The following SEMA3D variants were observed in gnomAD, a reference collection of about 807,000 sequenced individuals.
SEMA3D encodes the protein semaphorin-3D.
Under a neutral mutation model 100.1 loss-of-function variants are expected in SEMA3D, and 84 were observed. The observed-to-expected ratio is 0.84, with a 90% confidence interval of 0.70 to 1.01. The LOEUF (loss-of-function observed/expected upper bound fraction) is 1.01. Among genes scored for constraint, SEMA3D ranks in the 50% least tolerant of loss-of-function variants. The pLI is 0.00. For missense variants in SEMA3D, 875 were observed against 934.1 expected (o/e 0.94, Z 0.82); for synonymous variants, 312 against 320.7 (o/e 0.97, Z 0.29).
chr7:85,009,733 TTTAC>T (rs1789899715), intron 17 of SEMA3D, among the ~76,000 whole-genome samples: 1 of 151,878 alleles, frequency 6.6e-6, no homozygotes, highest in African/African-American at 2.4e-5. Flanking sequence ...TGTTACTTCA[TTTAC>T]TTTATAAAAT....
the SEMA3D span, among the ~76,000 whole-genome samples, chr7:85,216,357 TTG>T: frequency 0.031 from 4,473 of 146,114 alleles, 74 homozygotes; most frequent in African/African-American, 0.056. Flanking sequence ...AATAAGAGTG[TTG>T]TGTGTGTGTG....
the SEMA3D span, among the ~76,000 whole-genome samples, chr7:85,244,994 A>T: frequency 6.6e-6 from 1 of 152,126 alleles, no homozygotes. Context: ...TACAGGCGTG[A>T]GCCACTGCGC....
At chr7:85,088,405 G>A (rs1365461808) in intron 4 of SEMA3D, among the ~76,000 whole-genome samples, 1 of 152,106 alleles carries the variant, frequency 6.6e-6, no homozygotes, top group Non-Finnish European at 1.5e-5. Flanking sequence ...AACTGAATGA[G>A]ACACACAAAA....
At chr7:85,182,655 C>G (rs1791438396) in intron 1 of SEMA3D, among the ~76,000 whole-genome samples, 1 of 152,078 alleles carries the variant, frequency 6.6e-6, no homozygotes. Context: ...AGGATTTTGG[C>G]CATGTTTCCT....
At chr7:85,173,600 T>C (rs1290921838) in intron 1 of SEMA3D, among the ~76,000 whole-genome samples, 1 of 152,098 alleles carries the variant, frequency 6.6e-6, no homozygotes, top group Non-Finnish European at 1.5e-5. Flanking sequence ...AGCAGACGAA[T>C]GGAGTGGGAA....
chr7:85,106,680 T>C (rs796173553), intron 3 of SEMA3D, among the ~76,000 whole-genome samples: 5 of 151,982 alleles, frequency 3.3e-5, no homozygotes, highest in African/African-American at 1.2e-4. Flanking sequence ...AATACCCGAG[T>C]CTGGGCAATT....
chr7:85,002,767 C>A (rs1202179799), intron 18 of SEMA3D, among the ~76,000 whole-genome samples: 1 of 152,116 alleles, frequency 6.6e-6, no homozygotes. Flanking sequence ...GATAATATAA[C>A]TGGCATTATT....
chr7:85,030,626 T>C lies in SEMA3D; in HGVS notation c.1191+6263A>G, dbSNP rs73713928. Reference sequence around the variant, plus strand: ...TCTCCTCACCTTTTTGATAAGGGAATGGTTTAAAACTGAAACTCACTTTTG... The same window carrying C: ...TCTCCTCACCTTTTTGATAAGGGAACGGTTTAAAACTGAAACTCACTTTTG... On this transcript the variant is annotated intron_variant, in intron 12 of 18. Transcript: ENST00000284136. 1.9e-3 allele frequency among the ~76,000 whole-genome samples: 285 copies of C among 152,198 alleles called. 1 individual carries two copies. Among genetic ancestry groups the C allele is most frequent in the African/African-American group, 6.4e-3 (264 of 41,562 alleles).
chr7:85,181,876 T>C (rs967989309), intron 1 of SEMA3D: 1 of 305,414 alleles, frequency 3.3e-6, no homozygotes, highest in African/African-American at 2.3e-5. Flanking sequence ...TAATGATGGA[T>C]TGAAAATCAT....
chr7:85,161,273 A>G (rs541646407), intron 1 of SEMA3D, among the ~76,000 whole-genome samples: 123 of 152,306 alleles, frequency 8.1e-4, no homozygotes, highest in Middle Eastern at 3.4e-3. Context: ...TGGTCCTTTT[A>G]ACATGGCTTA....
chr7:85,107,412 T>C (rs553330207), intron 3 of SEMA3D, among the ~76,000 whole-genome samples: 10 of 152,218 alleles, frequency 6.6e-5, no homozygotes, highest in African/African-American at 2.4e-4. Context: ...TGTAATATTG[T>C]TCTCTTCGAT....
At chr7:85,078,488 C>T (rs1279599595) in intron 5 of SEMA3D, among the ~76,000 whole-genome samples, 1 of 152,140 alleles carries the variant, frequency 6.6e-6, no homozygotes, top group African/African-American at 2.4e-5. Flanking sequence ...GCTACCCTCA[C>T]CCTGTGGTTT....
chr7:85,015,416 T>C (rs1230576728), intron 15 of SEMA3D, among the ~76,000 whole-genome samples, 200 bp from the exon 16 acceptor site: 6 of 151,846 alleles, frequency 4.0e-5, no homozygotes, highest in Admixed American at 6.6e-5. Context: ...TTGAAGATTT[T>C]GATGCTGAAA....
At chr7:85,000,905 A>C (rs768246807) in intron 18 of SEMA3D, among the ~76,000 whole-genome samples, 5 of 152,184 alleles carry the variant, frequency 3.3e-5, no homozygotes, top group Non-Finnish European at 7.3e-5. Context: ...GCAACAAAGA[A>C]GTTCTGGAAG....
At chr7:85,063,782 A>G (rs541268757) in intron 8 of SEMA3D, among the ~76,000 whole-genome samples, 1 of 152,318 alleles carries the variant, frequency 6.6e-6, no homozygotes, top group South Asian at 2.1e-4. Context: ...CTTGATTAAA[A>G]AGTAAGCCAT....
At position 85,158,883 on chromosome 7, in the gene SEMA3D, T is replaced by C. The variant is rs28419570; in HGVS notation, c.-172-5144A>G. The stretch of plus-strand genomic sequence containing the variant: ...TATCAGAGGTGAATTTCACCTGATA[T>C]ATCATCAGAATTTTTTCTGTTTCAC... On this transcript the variant is annotated intron_variant, in intron 1 of 18. Coordinates refer to ENST00000284136, the MANE Select transcript of SEMA3D (RefSeq NM_001384900.1). 5.9e-3 allele frequency among the ~76,000 whole-genome samples: 899 copies of C among 152,232 alleles called. 5 individuals carry two copies. Among genetic ancestry groups the C allele is most frequent in the African/African-American group, 0.021 (865 of 41,544 alleles).
chr7:85,027,825 T>C (rs1392776480), intron 12 of SEMA3D: 2 of 503,608 alleles, frequency 4.0e-6, no homozygotes, highest in Non-Finnish European at 7.8e-6. Flanking sequence ...CACACAAACA[T>C]CTGTGTCTAA....
At chr7:85,229,475 T>A in the SEMA3D span, among the ~76,000 whole-genome samples, 1 of 152,190 alleles carries the variant, frequency 6.6e-6, no homozygotes, top group African/African-American at 2.4e-5. Flanking sequence ...TTGGATTTTA[T>A]CTACAAAAAT....
chr7:85,144,633 T>G (rs1348984889), intron 2 of SEMA3D: 42 of 984,802 alleles, frequency 4.3e-5, no homozygotes, highest in Non-Finnish European at 5.1e-5. Flanking sequence ...ATTTTTTCCT[T>G]TGGGAACTGG....
Sources: allele counts gnomAD v4.1 joint callset (sites outside exome capture counted in the v4.1 genomes callset), GRCh38; gene constraint gnomAD v4.1.1; transcripts MANE v1.5; gene names NCBI Gene and HGNC (gene_info 2026-07-23, HGNC 2026-07-21).